Variants in PCDH11X observed in about 807,000 individuals in gnomAD.
The protein encoded by PCDH11X is protocadherin 11 X-linked, also known as protocadherin-11 X-linked.
In PCDH11X, 18 loss-of-function variants were observed where a neutral mutation model predicts 53.3. The observed-to-expected ratio is 0.34, with a 90% CI of 0.23 to 0.50. The LOEUF (loss-of-function observed/expected upper bound fraction) is 0.50, where lower values mean the gene tolerates loss of function less well. Among genes scored for constraint, PCDH11X ranks in the 20% least tolerant of loss-of-function variants. PCDH11X has a pLI of 0.98. For missense variants in PCDH11X, 570 were observed against 1,032.4 expected, an observed-to-expected ratio of 0.55 and a Z score of 6.14; for synonymous variants, 279 against 393.3, an observed-to-expected ratio of 0.71 and a Z score of 3.44.
intron 6 of PCDH11X, among the ~76,000 whole-genome samples, chrX:91,981,272 G>T (rs2062132797): frequency 9.2e-6 from 1 of 108,829 alleles, no homozygotes; most frequent in African/African-American, 3.3e-5. Flanking sequence ...ATGAAGAATT[G>T]AATAAGGAAA....
intron 6 of PCDH11X, among the ~76,000 whole-genome samples, chrX:92,060,543 G>T (rs993083742): frequency 3.1e-4 from 34 of 109,763 alleles, no homozygotes; most frequent in Middle Eastern, 9.5e-3. Context: ...GTGTCCATGT[G>T]TATTCAATGA....
chrX:92,332,751 C>T (rs866502780), intron 8 of PCDH11X, among the ~76,000 whole-genome samples: 1 of 111,691 alleles, frequency 9.0e-6, no homozygotes, highest in East Asian at 2.8e-4. Context: ...GCAATAGCAG[C>T]AGCAGCAGCA....
intron 6 of PCDH11X, among the ~76,000 whole-genome samples, chrX:91,942,484 T>C (rs2061522554): frequency 9.1e-6 from 1 of 109,572 alleles, no homozygotes; most frequent in Admixed American, 9.8e-5. Flanking sequence ...ACTCGAAAAA[T>C]GCAAACAACC....
intron 8 of PCDH11X, among the ~76,000 whole-genome samples, chrX:92,340,652 G>A (rs908745946): frequency 5.4e-5 from 6 of 111,925 alleles, no homozygotes; most frequent in East Asian, 2.8e-4. Flanking sequence ...GTGAGGAGTC[G>A]TGTCCCAAGG....
At chrX:92,372,947 C>T (rs1366400786) in intron 8 of PCDH11X, among the ~76,000 whole-genome samples, 1 of 111,150 alleles carries the variant, frequency 9.0e-6, no homozygotes, top group African/African-American at 3.3e-5. Context: ...TCATCTGACT[C>T]AAGTTGGTAT....
At chrX:92,352,568 T>C (rs1256856671) in intron 8 of PCDH11X, among the ~76,000 whole-genome samples, 1 of 110,801 alleles carries the variant, frequency 9.0e-6, no homozygotes. Flanking sequence ...ACCTTGTTTC[T>C]TCATATGACT....
intron 9 of PCDH11X, among the ~76,000 whole-genome samples, chrX:92,406,748 A>C: frequency 9.9e-6 from 1 of 101,405 alleles, no homozygotes; most frequent in East Asian, 3.1e-4. Flanking sequence ...ACATGGTGAA[A>C]CCGGTCTACA....
chrX:92,147,321 C>T (rs2065283638), intron 6 of PCDH11X, among the ~76,000 whole-genome samples: 2 of 108,448 alleles, frequency 1.8e-5, no homozygotes, highest in Admixed American at 9.9e-5. Flanking sequence ...AACATTTTCT[C>T]GGTATATGCC....
At chrX:92,289,538 A>G (rs1159016026) in intron 8 of PCDH11X, among the ~76,000 whole-genome samples, 1 of 111,705 alleles carries the variant, frequency 9.0e-6, no homozygotes, top group Non-Finnish European at 1.9e-5. Context: ...CTTAAAATGG[A>G]AAAGTTAAAT....
chrX:92,501,622 C>T lies in PCDH11X; in HGVS notation c.3367+33300C>T, dbSNP rs1468210070. Among the ~76,000 whole-genome samples the T allele has an allele frequency of 2.7e-5, 3 of 111,568 alleles. No homozygotes were observed. The East Asian group carries it at 8.5e-4, about 32-fold the overall frequency. On this transcript the variant is annotated intron_variant, in intron 10 of 10. Coordinates refer to ENST00000682573, the MANE Select transcript of PCDH11X (RefSeq NM_032968.5). ...TCATCACATAAACAGACAAAAACCA[C>T]ACGATCATTTCAATAAATGCAGAAA...
Position 92,487,048 on chromosome X carries a change from C to CTTTTTTTT in PCDH11X, c.3367+18741_3367+18748dup, listed in dbSNP as rs758641899. ...TTATTATCTCTGAGAAATATGCTTC[C>CTTTTTTTT]TTTTTTTTTTTTTTTTTTTTTTGAG... On this transcript the variant is annotated intron_variant, in intron 10 of 10. Coordinates refer to ENST00000682573, the MANE Select transcript of PCDH11X (RefSeq NM_032968.5). 4.3e-4 allele frequency among the ~76,000 whole-genome samples: 29 copies of CTTTTTTTT among 67,819 alleles called. 1 individual carries two copies. Among genetic ancestry groups the CTTTTTTTT allele is most frequent in the South Asian group, 3.8e-3 (4 of 1,065 alleles). The allele number at this position is 67,819 out of a possible 115,157, so 58.9% of individuals were successfully genotyped here.
intron 5 of PCDH11X, among the ~76,000 whole-genome samples, chrX:91,869,358 C>A (rs1245443951): frequency 9.0e-6 from 1 of 110,883 alleles, no homozygotes; most frequent in Non-Finnish European, 1.9e-5. Context: ...AACCATATTT[C>A]AGTGAAAAAA....
Position 92,622,428 on chromosome X carries a change from A to G in PCDH11X, c.*3488A>G, listed in dbSNP as rs1391501477. Reference sequence around the variant, plus strand: ...TTGTTTGTTTCTTTTTCATGGTATTACTGAAGGTGTGTATACTCCCTAATA... The same window carrying G: ...TTGTTTGTTTCTTTTTCATGGTATTGCTGAAGGTGTGTATACTCCCTAATA... On this transcript the variant is annotated 3_prime_UTR_variant, in exon 11 of 11. Transcript: ENST00000682573. The G allele has an allele frequency of 7.2e-5, 8 of 111,066 alleles. No homozygotes were observed. The highest frequency in any genetic ancestry group is 9.7e-5 in the Admixed American group (1 of 10,357). 9.2% of individuals were successfully genotyped at this position (111,066 alleles called of 1,213,427 possible).
chrX:92,063,307 T>G (rs2063552490), intron 6 of PCDH11X, among the ~76,000 whole-genome samples: 2 of 108,983 alleles, frequency 1.8e-5, no homozygotes, highest in African/African-American at 6.7e-5. Context: ...AACCTGCACA[T>G]TCTGCATATG....
At chrX:92,492,934 T>C (rs771427057) in intron 10 of PCDH11X, among the ~76,000 whole-genome samples, 90 of 112,133 alleles carry the variant, frequency 8.0e-4, no homozygotes, top group African/African-American at 2.8e-3. Flanking sequence ...AATGACAGTT[T>C]AAAACTGAGA....
chrX:92,170,891 A>G (rs1293663833), intron 6 of PCDH11X, among the ~76,000 whole-genome samples: 1 of 84,796 alleles, frequency 1.2e-5, no homozygotes, highest in Non-Finnish European at 2.5e-5. Flanking sequence ...TCCCGAGTTC[A>G]AGCAATTTTC....
intron 6 of PCDH11X, among the ~76,000 whole-genome samples, chrX:91,892,704 A>ATTTTT (rs35310035): frequency 1.0e-5 from 1 of 100,445 alleles, no homozygotes; most frequent in Non-Finnish European, 2.0e-5. Context: ...ACAAGAACAC[A>ATTTTT]TTTTTTTTTT....
At chrX:92,322,586 A>C in intron 8 of PCDH11X, among the ~76,000 whole-genome samples, 1 of 111,600 alleles carries the variant, frequency 9.0e-6, no homozygotes, top group Non-Finnish European at 1.9e-5. Flanking sequence ...ACAAACATAT[A>C]TGACATATTT....
At position 92,263,131 on chromosome X, in the gene PCDH11X, A is replaced by C; in HGVS notation, c.3132A>C (p.Lys1044Asn). Residue 1044 changes from lysine to asparagine, a missense_variant, in exon 8 of 11, where the codon AAA becomes AAC. By Grantham distance (94) the Lys-to-Asn change is moderately conservative (BLOSUM62 0). Transcript: ENST00000682573. ...TAAATCAGCGGAAATCTGAAGGGAA[A>C]GTGGCAGGAAAGGTAAGACTGCAAA... is the stretch of plus-strand genomic sequence containing the variant. ...HPQPQRKSEG[K>N]VAGKSQRRVT... 8.4e-7 allele frequency: 1 copy of C among 1,185,894 alleles called. No homozygotes were observed. The highest frequency in any genetic ancestry group is 3.0e-5 in the East Asian group (1 of 33,214).
Sources: gnomAD v4.1 joint callset for allele counts (sites outside exome capture counted in the v4.1 genomes callset) on GRCh38, gnomAD v4.1.1 for gene constraint, MANE v1.5 for transcripts, NCBI Gene and HGNC (gene_info 2026-07-23, HGNC 2026-07-21) for gene names.